STAU1: variants seen among roughly 807,000 people sequenced by gnomAD.
The protein encoded by STAU1 is staufen double-stranded RNA binding protein 1.
A neutral mutation model predicts 62.9 loss-of-function variants in STAU1; 13 were observed. That is an observed-to-expected ratio of 0.21 (90% CI 0.13 to 0.33). The LOEUF (loss-of-function observed/expected upper bound fraction) is 0.33, where lower values mean the gene tolerates loss of function less well. STAU1 is among the 10% of genes least tolerant of loss of function. The pLI, the probability that STAU1 is intolerant of heterozygous loss-of-function variation, is 1.00. For synonymous variants in STAU1, 269 were observed against 265.1 expected, an observed-to-expected ratio of 1.01 and a Z score of -0.14; for missense variants, 571 against 712.1, an observed-to-expected ratio of 0.80 and a Z score of 2.25.
intron 3 of STAU1, 36 bp from the exon 4 acceptor site, chr20:49,154,107 T>A (rs111256324): frequency 6.3e-7 from 1 of 1,577,606 alleles, no homozygotes; most frequent in Admixed American, 2.0e-5. Flanking sequence ...TGTTTTTTTC[T>A]GGTATGAGAA....
At chr20:49,178,433 G>A (rs6019665) in intron 1 of STAU1, among the ~76,000 whole-genome samples, 14,305 of 151,902 alleles carry the variant, frequency 0.094, 868 homozygotes, top group African/African-American at 0.18. Context: ...GGCCAACATG[G>A]TGAAATCCCA....
intron 6 of STAU1, among the ~76,000 whole-genome samples, chr20:49,125,867 AC>A (rs2092601173): frequency 6.6e-6 from 1 of 151,944 alleles, no homozygotes; most frequent in Non-Finnish European, 1.5e-5. Context: ...GAAATTAGTT[AC>A]CTACAACAGG....
At chr20:49,162,596 A>C (rs892264652) in intron 3 of STAU1, among the ~76,000 whole-genome samples, 11 of 151,810 alleles carry the variant, frequency 7.2e-5, no homozygotes, top group Non-Finnish European at 7.4e-5. Flanking sequence ...AACAAGGTGA[A>C]ACCCCATCTC....
In STAU1 at chr20:49,186,214, C is replaced by T. The variant is rs79784795; in HGVS notation, c.-160+1902G>A. On this transcript the variant is annotated intron_variant, in intron 1 of 13. Coordinates refer to ENST00000371856, the MANE Select transcript of STAU1 (RefSeq NM_017453.4). Reference sequence around the variant, plus strand: ...TACAAAAATTAACACGGCGCGGTGGCGGGCGTCTGTAATCCCAGCTACTCG... The same window carrying T: ...TACAAAAATTAACACGGCGCGGTGGTGGGCGTCTGTAATCCCAGCTACTCG... Among the ~76,000 whole-genome samples the T allele has an allele frequency of 7.1e-3, 1,085 of 151,784 alleles. 15 individuals are homozygous for T. Among genetic ancestry groups the T allele is most frequent in the African/African-American group, 0.025 (1,037 of 41,406 alleles).
Position 49,114,869 on chromosome 20 carries a change from A to G in STAU1, c.*9T>C, listed in dbSNP as rs767192793. 8.1e-6 allele frequency: 13 copies of G among 1,613,434 alleles called. No homozygotes were observed. The South Asian group carries it at 1.4e-4, about 18-fold the overall frequency. Reference sequence around the variant, plus strand: ...TGGGATTTTATAATGGTTCATGGCCAGAAAAGGTTCAGCACCTCCCACACC... The same window carrying G: ...TGGGATTTTATAATGGTTCATGGCCGGAAAAGGTTCAGCACCTCCCACACC... On this transcript the variant is annotated 3_prime_UTR_variant, in exon 14 of 14. Coordinates refer to ENST00000371856, the MANE Select transcript of STAU1 (RefSeq NM_017453.4).
chr20:49,134,674 T>C (rs112945630), intron 6 of STAU1: 3 of 1,120,346 alleles, frequency 2.7e-6, no homozygotes, highest in African/African-American at 1.5e-5. Context: ...ATGAAGCTGA[T>C]AGGACCTTGA....
chr20:49,120,167 C>T, intron 8 of STAU1, 39 bp from the exon 9 acceptor site: 2 of 1,575,928 alleles, frequency 1.3e-6, no homozygotes, highest in Non-Finnish European at 1.7e-6. Context: ...GTGCTTAAAC[C>T]TTCAGAATAA....
chr20:49,155,801 A>T (rs1359784477), intron 3 of STAU1, among the ~76,000 whole-genome samples: 1 of 152,246 alleles, frequency 6.6e-6, no homozygotes, highest in Non-Finnish European at 1.5e-5. Context: ...GATCCACAGA[A>T]TTTGTCTGCA....
intron 8 of STAU1, among the ~76,000 whole-genome samples, chr20:49,120,834 A>G (rs2092448892): frequency 6.6e-6 from 1 of 151,986 alleles, no homozygotes; most frequent in Non-Finnish European, 1.5e-5. Context: ...TCACTTCTTC[A>G]CCCAGGATGG....
chr20:49,117,697 G>A lies in STAU1; in HGVS notation c.1509+80C>T, dbSNP rs2092361102. On this transcript the variant is annotated intron_variant, in intron 11 of 13. Coordinates refer to ENST00000371856, the MANE Select transcript of STAU1 (RefSeq NM_017453.4). This position sits in a 1 kb window ranked among gnomAD's most constrained non-coding sequence, Gnocchi z 4.6. ...ACTTGATTTAAGAAAAAAGTACAAA[G>A]TTCAAAGTTCATTTTCTGAGAGAAG... 1 of 1,442,714 alleles carries A rather than the reference G, an allele frequency of 6.9e-7. No homozygotes were observed. The allele number at this position is 1,442,714 out of a possible 1,614,324, so 89.4% of individuals were successfully genotyped here. A position where few individuals can be genotyped will look rare whatever the true frequency, so the allele number is the denominator to read the frequency against.
chr20:49,181,766 CAAAAAAAAAAAA>C (rs758956478), intron 1 of STAU1, among the ~76,000 whole-genome samples: 2 of 24,522 alleles, frequency 8.2e-5, no homozygotes, highest in Non-Finnish European at 1.4e-4. Flanking sequence ...ACTATCTCAA[CAAAAAAAAAAAA>C]AAAAAAAAAA....
the STAU1 span, among the ~76,000 whole-genome samples, chr20:49,197,502 C>T: frequency 6.6e-6 from 1 of 151,238 alleles, no homozygotes; most frequent in East Asian, 2.0e-4. Flanking sequence ...CCGGGTTCCA[C>T]TGCTTCTCCT....
At chr20:49,216,007 C>CAAAAAAAA in the STAU1 span, among the ~76,000 whole-genome samples, 44 of 36,444 alleles carry the variant, frequency 1.2e-3, no homozygotes, top group African/African-American at 1.8e-3. Context: ...GACTATGTCT[C>CAAAAAAAA]AAAAAAAAAA....
chr20:49,152,037 T>C (rs2146236092), intron 4 of STAU1, among the ~76,000 whole-genome samples: 1 of 152,312 alleles, frequency 6.6e-6, no homozygotes, highest in East Asian at 1.9e-4. Context: ...AAATCTAAAA[T>C]GAATTAGGCT....
chr20:49,145,015 A>C (rs1468783536), intron 5 of STAU1, among the ~76,000 whole-genome samples: 3 of 152,236 alleles, frequency 2.0e-5, no homozygotes, highest in Non-Finnish European at 4.4e-5. Flanking sequence ...AGACAGAAAG[A>C]GTTTTGCACT....
At chr20:49,208,623 T>TC in the STAU1 span, among the ~76,000 whole-genome samples, 1 of 140,590 alleles carries the variant, frequency 7.1e-6, no homozygotes, top group East Asian at 2.0e-4. Flanking sequence ...AGATCCTGTC[T>TC]TTTTTTTTTT....
chr20:49,115,263 GAGTTCTGACCATGTGA>G (rs2092289052), intron 13 of STAU1, among the ~76,000 whole-genome samples: 1 of 152,134 alleles, frequency 6.6e-6, no homozygotes, highest in Non-Finnish European at 1.5e-5. Context: ...AAATAATGCA[GAGTTCTGACCATGTGA>G]AGGTATGACC....
In STAU1 at chr20:49,134,931, C is replaced by G. The variant is rs559590082; in HGVS notation, c.609+902G>C. 2.1e-5 allele frequency: 34 copies of G among 1,597,680 alleles called. No individual in the cohort carries two copies. In the South Asian group the frequency reaches 3.4e-4, roughly 16 times the overall value. ...AGACTTTGTGAGGAAGTTTTCGACC[C>G]TAAGAATGATAAACCCAGCACGTGG... On this transcript the variant is annotated intron_variant, in intron 6 of 13. Coordinates refer to ENST00000371856, the MANE Select transcript of STAU1 (RefSeq NM_017453.4).
intron 9 of STAU1, 84 bp from the exon 10 acceptor site, chr20:49,118,492 A>G: frequency 9.2e-7 from 1 of 1,082,586 alleles, no homozygotes; most frequent in Non-Finnish European, 1.4e-6. Flanking sequence ...AAATCTACAC[A>G]AAGTCCAGTC....
Sources: gnomAD v4.1 joint callset for allele counts (sites outside exome capture counted in the v4.1 genomes callset) on GRCh38, gnomAD v4.1.1 for gene constraint, Gnocchi (gnomAD v3.1) non-coding constraint, MANE v1.5 for transcripts, NCBI Gene and HGNC (gene_info 2026-07-23, HGNC 2026-07-21) for gene names.